RTN4: variants seen among roughly 807,000 people sequenced by gnomAD.
The protein encoded by RTN4 is reticulon-4.
RTN4 carries 32 observed loss-of-function variants against 90.4 expected under a neutral mutation model. The ratio of observed to expected loss-of-function variants is 0.35; its 90% CI spans 0.27 to 0.48. The LOEUF (loss-of-function observed/expected upper bound fraction) is 0.48, where lower values mean the gene tolerates loss of function less well. RTN4 is among the 20% of genes least tolerant of loss of function. RTN4 has a pLI of 0.99. For missense variants in RTN4, 1,706 were observed against 1,430.2 expected, an observed-to-expected ratio of 1.19 and a Z score of -3.11; for synonymous variants, 629 against 552.5, an observed-to-expected ratio of 1.14 and a Z score of -1.94.
chr2:54,982,171 G>C (rs1678189178), intron 5 of RTN4, among the ~76,000 whole-genome samples: 1 of 151,956 alleles, frequency 6.6e-6, no homozygotes, highest in Non-Finnish European at 1.5e-5. Flanking sequence ...GGCCAGGCTA[G>C]TCTCAAACTC....
At chr2:55,086,636 CT>C (rs1324561637) in intron 1 of RTN4, among the ~76,000 whole-genome samples, 1 of 152,108 alleles carries the variant, frequency 6.6e-6, no homozygotes, top group East Asian at 1.9e-4. Context: ...CACTACTGCA[CT>C]TCAGCCTGGG....
intron 1 of RTN4, among the ~76,000 whole-genome samples, chr2:55,029,915 A>G (rs1682179585): frequency 2.0e-5 from 3 of 152,212 alleles, no homozygotes; most frequent in Admixed American, 1.3e-4. Flanking sequence ...CTCATTTGTA[A>G]AATGAAGGAA....
rs1668004199 is a variant in RTN4, at chr2:55,049,905, C to G, written c.396G>C (p.Lys132Asn). ...PLSAAAVSPS[K>N]LPEDDEPPAR... ...CCGGAGGCTCGTCGTCCTCAGGGAGCTTGGAGGGCGAGACTGCGGCAGCAG... is the reference window on the plus strand; with the variant it reads ...CCGGAGGCTCGTCGTCCTCAGGGAGGTTGGAGGGCGAGACTGCGGCAGCAG... The change falls in exon 1 of 9, where the codon AAG (lysine) becomes AAC (asparagine). Residue 132 changes from lysine to asparagine, a missense_variant. Coordinates refer to ENST00000337526, the MANE Select transcript of RTN4 (RefSeq NM_020532.5). 1 of 1,330,700 alleles carries G rather than the reference C, an allele frequency of 7.5e-7. No homozygotes were observed. The highest frequency in any genetic ancestry group is 4.1e-5 in the Admixed American group (1 of 24,152). 82.4% of individuals were successfully genotyped at this position (1,330,700 alleles called of 1,614,324 possible).
the RTN4 span, among the ~76,000 whole-genome samples, chr2:55,136,915 G>C: frequency 1.3e-5 from 2 of 152,176 alleles, no homozygotes; most frequent in African/African-American, 4.8e-5. Context: ...TGTTACAAAG[G>C]TGAACGGCCT....
chr2:55,073,730 C>A (rs571964933), intron 2 of RTN4, among the ~76,000 whole-genome samples: 8 of 152,340 alleles, frequency 5.3e-5, no homozygotes, highest in African/African-American at 1.7e-4. Context: ...TGATTCTATG[C>A]ACTGAAAATT....
At chr2:55,044,727 G>C (rs1683299248) in intron 1 of RTN4, among the ~76,000 whole-genome samples, 1 of 133,942 alleles carries the variant, frequency 7.5e-6, no homozygotes, top group Non-Finnish European at 1.5e-5. Context: ...TTTATCAGTG[G>C]TTCCACATAT....
the RTN4 span, among the ~76,000 whole-genome samples, chr2:55,121,218 G>A: frequency 2.0e-5 from 3 of 152,200 alleles, no homozygotes; most frequent in Non-Finnish European, 4.4e-5. Context: ...AGTCAGTCCC[G>A]ATCCCTGCTC....
chr2:55,105,058 T>C (rs1667919450), intron 1 of RTN4, among the ~76,000 whole-genome samples: 1 of 151,368 alleles, frequency 6.6e-6, no homozygotes, highest in Admixed American at 6.6e-5. Context: ...CCACTCACCA[T>C]GTCCTCCCAA....
intron 2 of RTN4, among the ~76,000 whole-genome samples, chr2:55,079,634 A>G (rs1414579329): frequency 6.6e-6 from 1 of 152,208 alleles, no homozygotes; most frequent in Non-Finnish European, 1.5e-5. Flanking sequence ...CAGAGTGTTA[A>G]AAGGTACTAT....
In RTN4 at chr2:55,050,038, G is replaced by A; in HGVS notation, c.263C>T (p.Pro88Leu). 7.1e-7 allele frequency: 1 copy of A among 1,403,364 alleles called. No homozygotes were observed. The highest frequency in any genetic ancestry group is 2.9e-5 in the East Asian group (1 of 34,782). 86.9% of individuals were successfully genotyped at this position (1,403,364 alleles called of 1,614,324 possible). ...LMDFGNDFVP[P>L]APRGPLPAAP... is the part of the protein sequence containing the mutation. ...GGCCGGCAGGGGTCCCCGGGGCGCCGGCGGCACGAAGTCATTTCCGAAGTC... is the reference window on the plus strand; with the variant it reads ...GGCCGGCAGGGGTCCCCGGGGCGCCAGCGGCACGAAGTCATTTCCGAAGTC... Residue 88 changes from proline (P) to leucine (L), a missense_variant, in exon 1 of 9, where the codon CCG becomes CTG. Pro to Leu is a moderately conservative substitution (Grantham distance 98, BLOSUM62 -3). Coordinates refer to ENST00000337526, the MANE Select transcript of RTN4 (RefSeq NM_020532.5). The surrounding 1 kb of genome is among the most constrained non-coding windows in gnomAD (Gnocchi z 4.6).
At chr2:54,980,208 CAAAGA>C (rs1040330689) in intron 5 of RTN4, among the ~76,000 whole-genome samples, 1 of 152,102 alleles carries the variant, frequency 6.6e-6, no homozygotes, top group African/African-American at 2.4e-5. Context: ...TAAGATTTAA[CAAAGA>C]AATTATTTCT....
intron 2 of RTN4, among the ~76,000 whole-genome samples, chr2:55,066,848 A>G (rs915244688): frequency 1.3e-5 from 2 of 152,202 alleles, no homozygotes; most frequent in Admixed American, 6.5e-5. Context: ...GCCATTTCAT[A>G]TAGTTCAATG....
the RTN4 span, among the ~76,000 whole-genome samples, chr2:55,118,194 G>T: frequency 6.6e-6 from 1 of 152,002 alleles, no homozygotes; most frequent in Admixed American, 6.6e-5. Context: ...GGCTGGGCAT[G>T]GTAGCTTATG....
At chr2:55,110,296 G>A (rs942165898) in intron 1 of RTN4, among the ~76,000 whole-genome samples, 5 of 142,288 alleles carry the variant, frequency 3.5e-5, no homozygotes, top group African/African-American at 1.4e-4. Flanking sequence ...AGGTGACAGA[G>A]GGAGACCCTG....
chr2:54,979,693 C>G (rs1677963169), intron 5 of RTN4, among the ~76,000 whole-genome samples: 1 of 152,166 alleles, frequency 6.6e-6, no homozygotes, highest in African/African-American at 2.4e-5. Flanking sequence ...GAGTGTGCAC[C>G]TGAATTACCA....
intron 1 of RTN4, among the ~76,000 whole-genome samples, chr2:55,104,981 A>C (rs1402998296): frequency 6.6e-6 from 1 of 151,476 alleles, no homozygotes; most frequent in African/African-American, 2.4e-5. Context: ...TAATTTTTAT[A>C]TTTTTTGTAG....
At chr2:55,073,242 C>G (rs889291940) in intron 2 of RTN4, among the ~76,000 whole-genome samples, 1 of 152,152 alleles carries the variant, frequency 6.6e-6, no homozygotes, top group African/African-American at 2.4e-5. Flanking sequence ...CTGGGGATAA[C>G]CTTTAGCTCA....
rs180854913 is a variant in RTN4, at chr2:55,091,364, C to A, written c.-213-10725G>T. ...ACACATAAAGCTTCTTGCCTCAGAG[C>A]CTCCGTACATGCTATTTTTCTGCCT... On this transcript the variant is annotated intron_variant, in intron 1 of 3. Transcript: ENST00000427710. 3.9e-4 allele frequency among the ~76,000 whole-genome samples: 59 copies of A among 152,324 alleles called. 1 individual carries two copies. Among genetic ancestry groups the A allele is most frequent in the African/African-American group, 1.4e-3 (57 of 41,560 alleles).
At chr2:54,975,144 T>C (rs374979776) in intron 5 of RTN4, among the ~76,000 whole-genome samples, 53 of 152,352 alleles carry the variant, frequency 3.5e-4, no homozygotes, top group African/African-American at 1.1e-3. Flanking sequence ...AGTTGAGTGC[T>C]TGAAGATATA....
Sources: gnomAD v4.1 joint callset for allele counts (sites outside exome capture counted in the v4.1 genomes callset) on GRCh38, gnomAD v4.1.1 for gene constraint, Gnocchi (gnomAD v3.1) non-coding constraint, MANE v1.5 for transcripts, NCBI Gene and HGNC (gene_info 2026-07-23, HGNC 2026-07-21) for gene names.